The following GPC6 variants were observed in gnomAD, a reference collection of about 807,000 sequenced individuals.
GPC6 encodes glypican-6.
Under a neutral mutation model 55.2 loss-of-function variants are expected in GPC6, and 14 were observed. The ratio of observed to expected loss-of-function variants is 0.25; its 90% CI spans 0.17 to 0.40. The LOEUF is 0.40. Ranked by LOEUF, GPC6 falls within the 10% of genes least tolerant of loss-of-function variation. The probability of loss-of-function intolerance (pLI) is 1.00; values close to 1 mark genes in which losing one functional copy is unlikely to be tolerated. For missense variants in GPC6, 641 were observed against 708.5 expected, an observed-to-expected ratio of 0.90 and a Z score of 1.08; for synonymous variants, 278 against 259.6, an observed-to-expected ratio of 1.07 and a Z score of -0.68.
At chr13:94,081,244 T>C (rs972698700) in intron 4 of GPC6, among the ~76,000 whole-genome samples, 6 of 152,218 alleles carry the variant, frequency 3.9e-5, no homozygotes, top group African/African-American at 1.2e-4. Flanking sequence ...CTAAAACTGT[T>C]GTATTGTGTT....
intron 4 of GPC6, among the ~76,000 whole-genome samples, chr13:94,225,647 T>C (rs1295052797): frequency 1.4e-5 from 2 of 140,212 alleles, no homozygotes; most frequent in African/African-American, 5.4e-5. Context: ...GGTATATATA[T>C]ATGTGTGTGT....
chr13:93,313,695 G>T (rs1179281638), intron 1 of GPC6, among the ~76,000 whole-genome samples: 3 of 151,568 alleles, frequency 2.0e-5, no homozygotes, highest in African/African-American at 7.3e-5. Context: ...TTGATATGTT[G>T]CCCAGGCTGG....
At chr13:93,653,807 G>A (rs1042237957) in intron 2 of GPC6, among the ~76,000 whole-genome samples, 4 of 152,058 alleles carry the variant, frequency 2.6e-5, no homozygotes, top group Non-Finnish European at 4.4e-5. Flanking sequence ...AAATTGTCAA[G>A]TAATAAAAAT....
chr13:93,760,885 A>G (rs576394846), intron 2 of GPC6, among the ~76,000 whole-genome samples: 1 of 152,328 alleles, frequency 6.6e-6, no homozygotes, highest in East Asian at 1.9e-4. Context: ...ATTGAAATGA[A>G]AAGCACTAAA....
intron 1 of GPC6, among the ~76,000 whole-genome samples, chr13:93,273,434 G>A (rs1009214502): frequency 3.3e-5 from 5 of 152,074 alleles, no homozygotes; most frequent in South Asian, 2.1e-4. Context: ...CGAGGTGGGC[G>A]GATCACAAGG....
intron 4 of GPC6, among the ~76,000 whole-genome samples, chr13:94,059,684 C>CT (rs1884254775): frequency 6.6e-6 from 1 of 151,840 alleles, no homozygotes; most frequent in South Asian, 2.1e-4. Context: ...GATTTGTTGT[C>CT]TTGTGAAGGC....
chr13:94,261,577 G>A (rs542464939), intron 4 of GPC6, among the ~76,000 whole-genome samples: 5 of 152,324 alleles, frequency 3.3e-5, no homozygotes, highest in Admixed American at 1.3e-4. Context: ...ACTACCCAGA[G>A]GGTATATACA....
intron 1 of GPC6, among the ~76,000 whole-genome samples, chr13:93,378,528 G>A (rs890434169): frequency 3.6e-4 from 54 of 152,032 alleles, no homozygotes; most frequent in African/African-American, 1.3e-3. Context: ...TGATATTTTA[G>A]TACTTGTCAT....
intron 2 of GPC6, among the ~76,000 whole-genome samples, chr13:93,772,434 A>G (rs916332499): frequency 6.6e-6 from 1 of 151,962 alleles, no homozygotes; most frequent in Non-Finnish European, 1.5e-5. Flanking sequence ...GATTTCATGC[A>G]TTACATGGAG....
chr13:93,677,983 A>C (rs1265286298), intron 2 of GPC6, among the ~76,000 whole-genome samples: 1 of 152,202 alleles, frequency 6.6e-6, no homozygotes, highest in Non-Finnish European at 1.5e-5. Context: ...TTAAATACTA[A>C]AAGGTATAAA....
intron 1 of GPC6, among the ~76,000 whole-genome samples, chr13:93,387,574 G>A (rs1051485673): frequency 7.9e-5 from 12 of 152,144 alleles, no homozygotes; most frequent in African/African-American, 2.9e-4. Context: ...TATTCTCAAT[G>A]CTTTGCCTCT....
At chr13:93,596,832 C>A (rs1594298195) in intron 2 of GPC6, among the ~76,000 whole-genome samples, 1 of 147,664 alleles carries the variant, frequency 6.8e-6, no homozygotes, top group Admixed American at 6.8e-5. Flanking sequence ...TTACGTGTGC[C>A]TGTATATATA....
chr13:93,809,999 G>A (rs750998319), intron 2 of GPC6, among the ~76,000 whole-genome samples: 2 of 152,080 alleles, frequency 1.3e-5, no homozygotes, highest in African/African-American at 2.4e-5. Context: ...TGGTCTCTGA[G>A]TTCCTTGCTT....
At chr13:94,302,025 G>C (rs1481318009) in intron 5 of GPC6, among the ~76,000 whole-genome samples, 1 of 152,212 alleles carries the variant, frequency 6.6e-6, no homozygotes, top group African/African-American at 2.4e-5. Context: ...ACTGCTGCTA[G>C]AGCAAACTCA....
At chr13:93,584,748 G>C (rs1432475605) in intron 2 of GPC6, among the ~76,000 whole-genome samples, 7 of 131,842 alleles carry the variant, frequency 5.3e-5, no homozygotes. Context: ...GAGTGCATTA[G>C]TGTGATCTCA....
chr13:93,891,686 A>G (rs1168713579), intron 3 of GPC6, among the ~76,000 whole-genome samples: 2 of 152,128 alleles, frequency 1.3e-5, no homozygotes, highest in African/African-American at 2.4e-5. Context: ...CACTATATAT[A>G]CACATTTACA....
At chr13:93,771,728 T>TA (rs71202600) in intron 2 of GPC6, among the ~76,000 whole-genome samples, 1 of 150,730 alleles carries the variant, frequency 6.6e-6, no homozygotes, top group Non-Finnish European at 1.5e-5. Flanking sequence ...ATAATAATAA[T>TA]AAAAAAAGTC....
intron 4 of GPC6, among the ~76,000 whole-genome samples, chr13:94,045,509 T>G (rs986920788): frequency 5.3e-5 from 8 of 151,950 alleles, no homozygotes; most frequent in Non-Finnish European, 1.2e-4. Flanking sequence ...ACCTTTGTTT[T>G]GTGATCAGTG....
At chr13:94,018,744 G>T (rs2138708989) in intron 3 of GPC6, among the ~76,000 whole-genome samples, 1 of 152,294 alleles carries the variant, frequency 6.6e-6, no homozygotes, top group Non-Finnish European at 1.5e-5. Context: ...CACACAGCAG[G>T]ACATGAGCAC....
Sources: gnomAD v4.1 joint callset for allele counts (sites outside exome capture counted in the v4.1 genomes callset) on GRCh38, gnomAD v4.1.1 for gene constraint, MANE v1.5 for transcripts, NCBI Gene and HGNC (gene_info 2026-07-23, HGNC 2026-07-21) for gene names.